KCNQ1OT1: variants seen among roughly 807,000 people sequenced by gnomAD.
KCNQ1OT1 encodes KCNQ1 opposite strand/antisense transcript 1.
At chr11:2,636,815 T>TG (rs1393584168) in exon 1 of KCNQ1OT1, 1 of 152,268 alleles carries the variant, frequency 6.6e-6, no homozygotes, top group African/African-American at 2.4e-5. Context: ...CGTCTGGTCC[T>TG]GGACTTTTTT....
chr11:2,695,036 G>A lies in KCNQ1OT1; in HGVS notation n.4959C>T, dbSNP rs1850651316. ...GACAGTGGTCAGAGAGGTAAGCAGG[G>A]CAGATCTTGTAAAAACCTGATGGAA... is the stretch of plus-strand genomic sequence containing the variant. On this transcript the variant is annotated non_coding_transcript_exon_variant, in exon 1 of 1. Transcript: ENST00000597346. The surrounding 1 kb of genome is among the most constrained non-coding windows in gnomAD (Gnocchi z 5.2). The A allele has an allele frequency of 5.0e-6, 2 of 398,532 alleles. No individual in the cohort carries two copies. The highest frequency in any genetic ancestry group is 2.5e-4 in the South Asian group (2 of 7,860). 24.7% of individuals were successfully genotyped at this position (398,532 alleles called of 1,614,324 possible).
chr11:2,677,145 C>T lies in KCNQ1OT1; in HGVS notation n.22850G>A, dbSNP rs959015369. ...CTGAAACATCCCTCCCTATTGAACA[C>T]TGTTGTTTCTCCCTATCCATCTTAT... On this transcript the variant is annotated non_coding_transcript_exon_variant, in exon 1 of 1. Coordinates refer to ENST00000597346, the Ensembl canonical transcript of KCNQ1OT1. The surrounding 1 kb of genome is among the most constrained non-coding windows in gnomAD (Gnocchi z 4.5). 3 of 398,590 alleles carry T rather than the reference C, an allele frequency of 7.5e-6. No homozygotes were observed. Among genetic ancestry groups the T allele is most frequent in the Admixed American group, 4.4e-5 (1 of 22,734 alleles). The allele number at this position is 398,590 out of a possible 1,614,324, so 24.7% of individuals were successfully genotyped here.
chr11:2,632,807 T>A, exon 1 of KCNQ1OT1: 1 of 398,460 alleles, frequency 2.5e-6, no homozygotes, highest in Non-Finnish European at 4.4e-6. Flanking sequence ...CCACATTCTT[T>A]CTCTGCATCT....
chr11:2,650,853 G>A (rs1451820175), exon 1 of KCNQ1OT1: 2 of 398,534 alleles, frequency 5.0e-6, no homozygotes, highest in South Asian at 1.3e-4. Context: ...AGGGGAGGAT[G>A]AGTGAGATGA....
At chr11:2,619,265 G>A (rs1379478914) in exon 1 of KCNQ1OT1, 7 of 398,392 alleles carry the variant, frequency 1.8e-5, no homozygotes, top group Middle Eastern at 6.2e-4. Context: ...GTTCATAGTA[G>A]AAGGGCTTCT....
chr11:2,627,154 C>T lies in KCNQ1OT1; in HGVS notation n.72841G>A, dbSNP rs1017686511. 2.5e-6 allele frequency: 1 copy of T among 398,240 alleles called. No homozygotes were observed. Among genetic ancestry groups the T allele is most frequent in the Admixed American group, 4.4e-5 (1 of 22,686 alleles). The allele number at this position is 398,240 out of a possible 1,614,324, so 24.7% of individuals were successfully genotyped here. On this transcript the variant is annotated non_coding_transcript_exon_variant, in exon 1 of 1. Transcript: ENST00000597346. This position sits in a 1 kb window ranked among gnomAD's most constrained non-coding sequence, Gnocchi z 4.9. The stretch of plus-strand genomic sequence containing the variant: ...TTCACCTCCTTGGTAAAGTTGGTTC[C>T]TAAGTTTGTTATTCTTGATGCTTTT...
chr11:2,653,467 C>G lies in KCNQ1OT1; in HGVS notation n.46528G>C. The G allele has an allele frequency of 5.0e-6, 2 of 397,654 alleles. No homozygotes were observed. The highest frequency in any genetic ancestry group is 8.9e-6 in the Non-Finnish European group (2 of 225,954). 24.6% of individuals were successfully genotyped at this position (397,654 alleles called of 1,614,324 possible). A position where few individuals can be genotyped will look rare whatever the true frequency, so the allele number is the denominator to read the frequency against. On this transcript the variant is annotated non_coding_transcript_exon_variant, in exon 1 of 1. Transcript: ENST00000597346. The surrounding 1 kb of genome is among the most constrained non-coding windows in gnomAD (Gnocchi z 5.3). The stretch of plus-strand genomic sequence containing the variant: ...ACATTTTTTGGCTCACACAGCTGGA[C>G]CCAGCTGTTTCAGACACAGCTGGAC...
exon 1 of KCNQ1OT1, chr11:2,641,489 G>A: frequency 2.5e-6 from 1 of 397,852 alleles, no homozygotes; most frequent in Non-Finnish European, 4.4e-6. Context: ...GAATTAATTT[G>A]TTGTTTACTA....
rs57775947 is a variant in KCNQ1OT1, at chr11:2,626,703, A to AT, written n.73291dup. The AT allele has an allele frequency of 0.021, 8,520 of 398,120 alleles. 539 individuals are homozygous for AT. The highest frequency in any genetic ancestry group is 0.15 in the African/African-American group (7,164 of 48,542). The allele number at this position is 398,120 out of a possible 1,614,324, so 24.7% of individuals were successfully genotyped here. A position where few individuals can be genotyped will look rare whatever the true frequency, so the allele number is the denominator to read the frequency against. On this transcript the variant is annotated non_coding_transcript_exon_variant, in exon 1 of 1. Coordinates refer to ENST00000597346, the Ensembl canonical transcript of KCNQ1OT1. The surrounding 1 kb of genome is among the most constrained non-coding windows in gnomAD (Gnocchi z 4.0). ...ACCATTACACCTGGCCAATTATTTT[A>AT]TTTTTTGTAGAGATGAGGTCTCCCT...
chr11:2,649,648 A>G (rs1849727617), exon 1 of KCNQ1OT1: 1 of 398,420 alleles, frequency 2.5e-6, no homozygotes, highest in African/African-American at 2.1e-5. Flanking sequence ...CCTGGCCTAG[A>G]AGGTTTCTGC....
At chr11:2,681,226 A>G in exon 1 of KCNQ1OT1, 1 of 398,624 alleles carries the variant, frequency 2.5e-6, no homozygotes, top group Non-Finnish European at 4.4e-6. Context: ...GAGTGGGTAG[A>G]AGGAAGCAGG....
At position 2,611,959 on chromosome 11, in the gene KCNQ1OT1, T is replaced by A. The variant is rs1453317743; in HGVS notation, n.88036A>T. ...TTAATAATCTACTCAAATATTTTTG[T>A]CTGCCCTATTCTCTCCTTCTCAGTA... On this transcript the variant is annotated non_coding_transcript_exon_variant, in exon 1 of 1. Transcript: ENST00000597346. This position sits in a 1 kb window ranked among gnomAD's most constrained non-coding sequence, Gnocchi z 5.3. 2.5e-5 allele frequency: 10 copies of A among 398,558 alleles called. No homozygotes were observed. The highest frequency in any genetic ancestry group is 4.4e-5 in the Non-Finnish European group (10 of 226,080). The allele number at this position is 398,558 out of a possible 1,614,324, so 24.7% of individuals were successfully genotyped here.
chr11:2,664,247 C>T lies in KCNQ1OT1; in HGVS notation n.35748G>A, dbSNP rs1490709326. 4 of 398,886 alleles carry T rather than the reference C, an allele frequency of 1.0e-5. No individual in the cohort carries two copies. Among genetic ancestry groups the T allele is most frequent in the Non-Finnish European group, 1.8e-5 (4 of 226,414 alleles). The allele number at this position is 398,886 out of a possible 1,614,324, so 24.7% of individuals were successfully genotyped here. On this transcript the variant is annotated non_coding_transcript_exon_variant, in exon 1 of 1. Coordinates refer to ENST00000597346, the Ensembl canonical transcript of KCNQ1OT1. This position sits in a 1 kb window ranked among gnomAD's most constrained non-coding sequence, Gnocchi z 5.1. ...TGGGGTGAGGGATCTGAAGAGGGGA[C>T]TGGGAGAGGGAAAAACAAGGAGGTT... is the stretch of plus-strand genomic sequence containing the variant.
At chr11:2,692,211 C>T (rs976488050) in exon 1 of KCNQ1OT1, 4 of 398,736 alleles carry the variant, frequency 1.0e-5, no homozygotes, top group African/African-American at 2.1e-5. Flanking sequence ...CCGATACACC[C>T]GCTTCCTCAC....
exon 1 of KCNQ1OT1, chr11:2,672,434 G>A (rs1046048277): frequency 1.8e-5 from 7 of 398,446 alleles, no homozygotes; most frequent in African/African-American, 1.4e-4. Flanking sequence ...TCCACCCCAG[G>A]GGCTCTGAAG....
chr11:2,685,486 C>T (rs1418710943), exon 1 of KCNQ1OT1: 7 of 398,744 alleles, frequency 1.8e-5, no homozygotes, highest in Admixed American at 8.8e-5. Context: ...CACAGGCCAC[C>T]AGCAAGTTGC....
At chr11:2,696,344 C>T in exon 1 of KCNQ1OT1, 1 of 398,638 alleles carries the variant, frequency 2.5e-6, no homozygotes, top group Non-Finnish European at 4.4e-6. Context: ...GGCTTTCCAA[C>T]ATCATCTTCT....
chr11:2,650,946 T>C (rs1849747528), exon 1 of KCNQ1OT1: 1 of 398,070 alleles, frequency 2.5e-6, no homozygotes. Context: ...TCCTTTTTTC[T>C]TAGTACCCCT....
In KCNQ1OT1 at chr11:2,698,555, C is replaced by A; in HGVS notation, n.1440G>T. The A allele has an allele frequency of 2.5e-6, 1 of 398,500 alleles. No homozygotes were observed. The highest frequency in any genetic ancestry group is 4.4e-6 in the Non-Finnish European group (1 of 226,076). 24.7% of individuals were successfully genotyped at this position (398,500 alleles called of 1,614,324 possible). ...CTCAGACTGCAACCTTTACTTCGCC[C>A]CCTAATTCCTGACTCAGAATCCCCA... is the stretch of plus-strand genomic sequence containing the variant. On this transcript the variant is annotated non_coding_transcript_exon_variant, in exon 1 of 1. Transcript: ENST00000597346. The surrounding 1 kb of genome is among the most constrained non-coding windows in gnomAD (Gnocchi z 5.1).
Sources: allele counts gnomAD v4.1 joint callset, GRCh38; gene constraint gnomAD v4.1.1; non-coding constraint Gnocchi (gnomAD v3.1); transcripts MANE v1.5; gene names NCBI Gene and HGNC (gene_info 2026-07-23, HGNC 2026-07-21).